Variants in PLB1 observed in about 807,000 individuals in gnomAD.
The protein encoded by PLB1 is phospholipase B1, membrane-associated.
PLB1 carries 242 observed loss-of-function variants against 227.4 expected under a neutral mutation model. The observed-to-expected ratio is 1.06, with a 90% CI of 0.96 to 1.18. PLB1 has a LOEUF of 1.18. PLB1 is among the 50% of genes most tolerant of loss of function. The pLI, the probability that PLB1 is intolerant of heterozygous loss-of-function variation, is 0.00. For missense variants in PLB1, 1,858 were observed against 1,816.3 expected, an observed-to-expected ratio of 1.02 and a Z score of -0.42; for synonymous variants, 757 against 682.2, an observed-to-expected ratio of 1.11 and a Z score of -1.71.
At chr2:28,538,066 G>A (rs1671945178) in intron 9 of PLB1, among the ~76,000 whole-genome samples, 1 of 152,208 alleles carries the variant, frequency 6.6e-6, no homozygotes, top group Non-Finnish European at 1.5e-5. Context: ...GCCCTTTCCT[G>A]ATGGAACTTT....
chr2:28,516,581 T>C (rs570941709), intron 1 of PLB1, among the ~76,000 whole-genome samples: 18 of 152,280 alleles, frequency 1.2e-4, no homozygotes, highest in African/African-American at 4.1e-4. Context: ...ATAACACTTT[T>C]GCTTTTTCAC....
At chr2:28,624,859 G>C (rs1687529151) in intron 49 of PLB1, among the ~76,000 whole-genome samples, 198 bp from the exon 50 acceptor site, 1 of 152,134 alleles carries the variant, frequency 6.6e-6, no homozygotes. Context: ...TTGGGTGGCA[G>C]GGGCTAGATC....
Position 28,626,556 on chromosome 2 carries a change from C to T in PLB1, c.3660+48C>T, listed in dbSNP as rs377486882. 1.5e-5 allele frequency: 23 copies of T among 1,528,988 alleles called. No homozygotes were observed. The African/African-American group carries it at 2.5e-4, about 16-fold the overall frequency. 94.7% of individuals were successfully genotyped at this position (1,528,988 alleles called of 1,614,324 possible). ...GGGGACCTGAGAAGGAAGGTGCTGA[C>T]CTCTGGCAACATCCTTGCCCATCCA... On this transcript the variant is annotated intron_variant, in intron 51 of 57. Coordinates refer to ENST00000327757, the MANE Select transcript of PLB1 (RefSeq NM_153021.5).
chr2:28,529,147 G>T (rs1436906326), intron 6 of PLB1, among the ~76,000 whole-genome samples, 170 bp from the exon 7 acceptor site: 1 of 151,826 alleles, frequency 6.6e-6, no homozygotes, highest in Non-Finnish European at 1.5e-5. Flanking sequence ...GTTTTGCTCT[G>T]TTGCCCTGCC....
Position 28,624,461 on chromosome 2 carries a change from G to A in PLB1, c.3528-596G>A, listed in dbSNP as rs540214664. Among the ~76,000 whole-genome samples the A allele has an allele frequency of 2.0e-4, 30 of 152,096 alleles. 1 individual carries two copies. The highest frequency in any genetic ancestry group is 1.8e-3 in the Admixed American group (27 of 15,290). Reference sequence around the variant, plus strand: ...CTCATCCAGAACACCAAATGGTATTGTTTTATTTATGGCAGACATCAGGGG... The same window carrying A: ...CTCATCCAGAACACCAAATGGTATTATTTTATTTATGGCAGACATCAGGGG... On this transcript the variant is annotated intron_variant, in intron 49 of 57. Coordinates refer to ENST00000327757, the MANE Select transcript of PLB1 (RefSeq NM_153021.5).
intron 18 of PLB1, among the ~76,000 whole-genome samples, chr2:28,563,476 A>C (rs1332859970): frequency 6.7e-6 from 1 of 148,760 alleles, no homozygotes; most frequent in Non-Finnish European, 1.5e-5. Context: ...CCAAGGATCC[A>C]GTGCTTTGTT....
intron 17 of PLB1, among the ~76,000 whole-genome samples, chr2:28,562,540 C>CAAAAAAAAAAAAAA (rs60393903): frequency 0.12 from 5,128 of 42,428 alleles, 1,790 homozygotes; most frequent in Middle Eastern, 0.25. Context: ...GACTCTGTCT[C>CAAAAAAAAAAAAAA]AAAAAAAAAA....
intron 17 of PLB1, among the ~76,000 whole-genome samples, chr2:28,559,739 G>A (rs1675730207): frequency 9.6e-6 from 1 of 104,534 alleles, no homozygotes; most frequent in Non-Finnish European, 1.8e-5. Context: ...AGGCCTGAAA[G>A]CTTTTTTTTT....
At chr2:28,562,071 G>A (rs1676140397) in intron 17 of PLB1, among the ~76,000 whole-genome samples, 1 of 152,168 alleles carries the variant, frequency 6.6e-6, no homozygotes, top group Admixed American at 6.5e-5. Context: ...ACTAAGGACT[G>A]GGAGGAGGGA....
At chr2:28,585,483 G>C (rs145052725) in intron 25 of PLB1, 3,416 of 332,012 alleles carry the variant, frequency 0.01, 26 homozygotes, top group Non-Finnish European at 0.013. Context: ...CGCTATGTCA[G>C]CCAGCCTGGT....
Position 28,593,695 on chromosome 2 carries a change from T to C in PLB1, c.2262T>C (p.Ile754=). ...LGDSLTAGNG[I]GSKPDDLPDV... ...TATTTTCAAAGGCTGGCAATGGAATTGGCTCCAAACCAGACGACCTCCCCG... is the reference window on the plus strand; with the variant it reads ...TATTTTCAAAGGCTGGCAATGGAATCGGCTCCAAACCAGACGACCTCCCCG... The change falls in exon 33 of 58, where the codon ATT becomes ATC. Residue 754 remains isoleucine (I), a synonymous_variant. Coordinates refer to ENST00000327757, the MANE Select transcript of PLB1 (RefSeq NM_153021.5). 6.2e-7 allele frequency: 1 copy of C among 1,614,150 alleles called. No individual in the cohort carries two copies. Among genetic ancestry groups the C allele is most frequent in the South Asian group, 1.1e-5 (1 of 91,070 alleles).
chr2:28,549,404 G>C (rs1477970963), intron 15 of PLB1, among the ~76,000 whole-genome samples: 2 of 96,290 alleles, frequency 2.1e-5, no homozygotes, highest in Admixed American at 2.3e-4. Context: ...AAATGAATGA[G>C]ATTCTTTCTT....
chr2:28,639,630 C>T (rs574230415), intron 56 of PLB1, among the ~76,000 whole-genome samples: 3 of 152,344 alleles, frequency 2.0e-5, no homozygotes, highest in Admixed American at 2.0e-4. Flanking sequence ...AACTGATGCA[C>T]TCATCAAACC....
At chr2:28,515,290 ATGGACTAGCC>A (rs371970418) in intron 1 of PLB1, among the ~76,000 whole-genome samples, 50 of 152,272 alleles carry the variant, frequency 3.3e-4, no homozygotes, top group African/African-American at 1.2e-3. Context: ...CCTGTTGCTC[ATGGACTAGCC>A]TGGCATTTGT....
intron 1 of PLB1, among the ~76,000 whole-genome samples, chr2:28,497,180 C>T (rs1330641493): frequency 1.3e-5 from 2 of 152,208 alleles, no homozygotes; most frequent in East Asian, 3.8e-4. Flanking sequence ...AGGAGTTCTC[C>T]ATATATGCTG....
intron 9 of PLB1, among the ~76,000 whole-genome samples, chr2:28,536,965 G>A (rs1447132182): frequency 1.3e-5 from 2 of 152,222 alleles, no homozygotes; most frequent in Non-Finnish European, 2.9e-5. Context: ...TCCAGGGACG[G>A]TGGGTATGGT....
At chr2:28,610,886 C>T (rs1573416910) in intron 43 of PLB1, among the ~76,000 whole-genome samples, 1 of 91,528 alleles carries the variant, frequency 1.1e-5, no homozygotes, top group African/African-American at 3.1e-5. Flanking sequence ...ATTCAGTCGG[C>T]CCCCCTTTCT....
chr2:28,502,371 TC>T (rs1268892305), intron 1 of PLB1, among the ~76,000 whole-genome samples: 6 of 152,182 alleles, frequency 3.9e-5, no homozygotes, highest in African/African-American at 1.4e-4. Context: ...ATGTGTGTGT[TC>T]ATATTAAGGA....
At chr2:28,559,302 C>A (rs766908097) in intron 17 of PLB1, among the ~76,000 whole-genome samples, 23 of 152,222 alleles carry the variant, frequency 1.5e-4, no homozygotes, top group Non-Finnish European at 2.6e-4. Context: ...CCTATTGAGT[C>A]AAAAATTCTG....
Sources: allele counts gnomAD v4.1 joint callset (sites outside exome capture counted in the v4.1 genomes callset), GRCh38; gene constraint gnomAD v4.1.1; transcripts MANE v1.5; gene names NCBI Gene and HGNC (gene_info 2026-07-23, HGNC 2026-07-21).